Variants in LRRC31 observed in about 807,000 individuals in gnomAD.
The protein encoded by LRRC31 is leucine-rich repeat-containing protein 31.
Under a neutral mutation model 46.7 loss-of-function variants are expected in LRRC31, and 35 were observed. The ratio of observed to expected loss-of-function variants is 0.75; its 90% CI spans 0.57 to 0.99. LRRC31 has a LOEUF of 0.99. LRRC31 is among the 50% of genes least tolerant of loss of function. The pLI is 0.00. For synonymous variants in LRRC31, 236 were observed against 235.1 expected, an observed-to-expected ratio of 1.00 and a Z score of -0.03; for missense variants, 613 against 626.1, an observed-to-expected ratio of 0.98 and a Z score of 0.22.
chr3:169,858,667 C>T (rs1163363948), intron 3 of LRRC31, among the ~76,000 whole-genome samples: 1 of 152,134 alleles, frequency 6.6e-6, no homozygotes, highest in African/African-American at 2.4e-5. Flanking sequence ...AACCGAGGCT[C>T]AGAAATTTAA....
intron 8 of LRRC31, among the ~76,000 whole-genome samples, chr3:169,844,657 G>C (rs531493777): frequency 6.6e-6 from 1 of 152,222 alleles, no homozygotes; most frequent in Non-Finnish European, 1.5e-5. Flanking sequence ...CTCTAGGCCG[G>C]GCACAGTGGC....
At chr3:169,860,447 C>G in intron 3 of LRRC31, 114 bp downstream of exon 3, 2 of 1,085,564 alleles carry the variant, frequency 1.8e-6, no homozygotes, top group Admixed American at 3.6e-5. Context: ...AGGCTGTTCT[C>G]GAACTCCTGA....
intron 1 of LRRC31, among the ~76,000 whole-genome samples, chr3:169,865,022 G>A (rs954266805): frequency 6.6e-6 from 1 of 151,880 alleles, no homozygotes; most frequent in African/African-American, 2.4e-5. Flanking sequence ...GGTTGCGTGA[G>A]CCGAGATTGT....
intron 1 of LRRC31, 50 bp downstream of exon 1, chr3:169,869,583 T>C (rs1373565432): frequency 6.7e-7 from 1 of 1,503,402 alleles, no homozygotes; most frequent in African/African-American, 1.4e-5. Context: ...AATGTGGAAG[T>C]AAAAACAAAA....
intron 3 of LRRC31, among the ~76,000 whole-genome samples, chr3:169,858,865 G>C (rs1422045903): frequency 1.3e-5 from 2 of 152,054 alleles, no homozygotes; most frequent in Admixed American, 6.5e-5. Flanking sequence ...AATTAGCCAG[G>C]CATGGTGGTA....
intron 4 of LRRC31, 41 bp from the exon 5 acceptor site, chr3:169,856,544 G>T: frequency 1.3e-6 from 2 of 1,532,238 alleles, no homozygotes; most frequent in East Asian, 2.4e-5. Flanking sequence ...TAGGTAGGAG[G>T]GGAGTGGAGT....
chr3:169,863,256 A>G (rs1280070010), intron 1 of LRRC31, among the ~76,000 whole-genome samples: 2 of 152,192 alleles, frequency 1.3e-5, no homozygotes, highest in Non-Finnish European at 2.9e-5. Flanking sequence ...ATGTACTGAC[A>G]GTGATTTTAA....
Position 169,869,710 on chromosome 3 carries a change from C to T in LRRC31, c.98G>A (p.Arg33Lys), listed in dbSNP as rs1333572196. 3.3e-5 allele frequency: 54 copies of T among 1,613,246 alleles called. No homozygotes were observed. The highest frequency in any genetic ancestry group is 4.2e-5 in the Non-Finnish European group (50 of 1,179,822). Reference protein sequence around the residue: ...KFLRGSNAESRKEDNDLKTSD... With the variant: ...KFLRGSNAESKKEDNDLKTSD... Reference sequence around the variant, plus strand: ...TGTTTTAAGGTCATTGTCCTCTTTTCTGCTTTCAGCATTGGAGCCCCTGAG... The same window carrying T: ...TGTTTTAAGGTCATTGTCCTCTTTTTTGCTTTCAGCATTGGAGCCCCTGAG... The change falls in exon 1 of 9, where the codon AGA becomes AAA. Residue 33 changes from arginine to lysine, a missense_variant. Transcript: ENST00000316428.
At position 169,861,764 on chromosome 3, in the gene LRRC31, ATTT is replaced by A; in HGVS notation, c.222_224del (p.Lys74del). 1.2e-6 allele frequency: 2 copies of A among 1,614,084 alleles called. No homozygotes were observed. Among genetic ancestry groups the A allele is most frequent in the Admixed American group, 1.7e-5 (1 of 60,004 alleles). ...TGCCCAGCTTCTGCAGGAAATGCTC[ATTT>A]TTCTCCATACTGGATCTCCATTCCA... On this transcript the variant is annotated inframe_deletion, in exon 2 of 9. Transcript: ENST00000316428.
chr3:169,868,060 G>A (rs1308397937), intron 1 of LRRC31, among the ~76,000 whole-genome samples: 1 of 152,208 alleles, frequency 6.6e-6, no homozygotes, highest in African/African-American at 2.4e-5. Flanking sequence ...ATAATAATAT[G>A]TTCTAGAAGT....
chr3:169,867,719 T>C (rs963813630), intron 1 of LRRC31, among the ~76,000 whole-genome samples: 21 of 152,222 alleles, frequency 1.4e-4, no homozygotes, highest in African/African-American at 4.3e-4. Flanking sequence ...TATTCTATTT[T>C]TGCATATGCT....
chr3:169,857,302 C>A (rs1780982427), intron 3 of LRRC31, among the ~76,000 whole-genome samples: 2 of 116,296 alleles, frequency 1.7e-5, no homozygotes, highest in African/African-American at 3.1e-5. Context: ...TCTCCAATGT[C>A]AAGAATATCA....
chr3:169,850,651 C>T (rs1017527094), intron 7 of LRRC31, among the ~76,000 whole-genome samples: 2 of 152,202 alleles, frequency 1.3e-5, no homozygotes, highest in African/African-American at 4.8e-5. Context: ...CATCTCTGTG[C>T]TTCAGTTTCC....
chr3:169,846,785 G>A (rs1780617711), intron 8 of LRRC31, among the ~76,000 whole-genome samples: 1 of 152,200 alleles, frequency 6.6e-6, no homozygotes, highest in Admixed American at 6.5e-5. Context: ...TCGGGAAAAT[G>A]TAATATTTGC....
intron 6 of LRRC31, among the ~76,000 whole-genome samples, chr3:169,854,279 G>C (rs1456772795): frequency 6.6e-6 from 1 of 152,188 alleles, no homozygotes; most frequent in Non-Finnish European, 1.5e-5. Context: ...GGCTACGCTT[G>C]CTCTGTTATG....
intron 1 of LRRC31, among the ~76,000 whole-genome samples, chr3:169,868,923 T>C (rs747992227): frequency 1.3e-5 from 2 of 150,988 alleles, no homozygotes; most frequent in Non-Finnish European, 3.0e-5. Flanking sequence ...GTGGGGGAGG[T>C]GTGGATGGTT....
At chr3:169,866,686 G>A (rs1043572993) in intron 1 of LRRC31, among the ~76,000 whole-genome samples, 4 of 152,140 alleles carry the variant, frequency 2.6e-5, no homozygotes, top group African/African-American at 9.7e-5. Flanking sequence ...AGGCACAGTG[G>A]CTCCTGGCCA....
At chr3:169,865,376 A>G (rs970375589) in intron 1 of LRRC31, among the ~76,000 whole-genome samples, 1 of 152,108 alleles carries the variant, frequency 6.6e-6, no homozygotes, top group South Asian at 2.1e-4. Context: ...GGAGGCACCC[A>G]TGGGGGGCGC....
chr3:169,866,578 A>G lies in LRRC31; in HGVS notation c.175+3055T>C, dbSNP rs114834661. The stretch of plus-strand genomic sequence containing the variant: ...ATTTATAAAAACATACTTAAAATAC[A>G]TTTAATCTACTTGCTGCTAAAACTG... On this transcript the variant is annotated intron_variant, in intron 1 of 8. Coordinates refer to ENST00000316428, the MANE Select transcript of LRRC31 (RefSeq NM_024727.4). Among the ~76,000 whole-genome samples the G allele has an allele frequency of 6.7e-3, 1,015 of 152,322 alleles. 7 individuals carry two copies. The highest frequency in any genetic ancestry group is 0.011 in the Non-Finnish European group (720 of 68,034).
Sources: allele counts gnomAD v4.1 joint callset (sites outside exome capture counted in the v4.1 genomes callset), GRCh38; gene constraint gnomAD v4.1.1; transcripts MANE v1.5; gene names NCBI Gene and HGNC (gene_info 2026-07-23, HGNC 2026-07-21).